Variants in TLE4 observed in about 807,000 individuals in gnomAD.
The protein encoded by TLE4 is TLE family member 4, transcriptional corepressor.
A neutral mutation model predicts 92.8 loss-of-function variants in TLE4; 8 were observed. The observed-to-expected ratio is 0.09, with a 90% CI of 0.05 to 0.16. TLE4 has a LOEUF of 0.16. Among genes scored for constraint, TLE4 ranks in the 10% least tolerant of loss-of-function variants. The pLI is 1.00. For synonymous variants in TLE4, 371 were observed against 374.1 expected (o/e 0.99, Z 0.10); for missense variants, 675 against 997.6 (o/e 0.68, Z 4.36).
chr9:79,619,099 C>G (rs1210909351), intron 5 of TLE4, among the ~76,000 whole-genome samples: 2 of 152,140 alleles, frequency 1.3e-5, no homozygotes, highest in East Asian at 1.9e-4. Flanking sequence ...TTTGGGCACT[C>G]TCCATTGCAT....
At chr9:79,584,525 C>T (rs1237656784) in intron 4 of TLE4, among the ~76,000 whole-genome samples, 2 of 152,170 alleles carry the variant, frequency 1.3e-5, no homozygotes, top group East Asian at 1.9e-4. Flanking sequence ...ATTGTAAGCT[C>T]CATGAAAACA....
At chr9:79,705,339 G>T (rs1485798592) in intron 9 of TLE4, among the ~76,000 whole-genome samples, 1 of 152,234 alleles carries the variant, frequency 6.6e-6, no homozygotes, top group Non-Finnish European at 1.5e-5. Flanking sequence ...ATCATCCCTA[G>T]CCTGGAATGA....
rs189912713 is a variant in TLE4 at position 79,614,346 on chromosome 9, T to A, written c.315+1628T>A. ...TTGGTCTCATCACATTTCTGCAGGA[T>A]CTGTGGGTTGTGTTCAGAAGTAGAA... On this transcript the variant is annotated intron_variant, in intron 5 of 19. Transcript: ENST00000376552. Among the ~76,000 whole-genome samples the A allele has an allele frequency of 2.6e-4, 40 of 152,236 alleles. 1 individual carries two copies. The Middle Eastern group carries it at 0.01, about 39-fold the overall frequency.
chr9:79,575,810 AG>A (rs2037571124), intron 3 of TLE4: 1 of 218,756 alleles, frequency 4.6e-6, no homozygotes, highest in East Asian at 8.8e-5. Context: ...TGCTGTGCTT[AG>A]GAATTAAGAG....
chr9:79,612,522 T>C (rs2048595140), intron 4 of TLE4, 134 bp from the exon 5 acceptor site: 4 of 750,598 alleles, frequency 5.3e-6, no homozygotes, highest in Non-Finnish European at 6.9e-6. Context: ...ACTGATGAGA[T>C]AGTTTTCCTC....
At chr9:79,720,395 T>G (rs1051899640) in intron 16 of TLE4, 102 bp downstream of exon 16, 229 of 1,172,894 alleles carry the variant, frequency 2.0e-4, no homozygotes, top group African/African-American at 1.2e-3. Flanking sequence ...TGTGTGTGTG[T>G]GTGTGTGTGT....
intron 17 of TLE4, among the ~76,000 whole-genome samples, chr9:79,722,169 C>T (rs1271628623): frequency 6.7e-6 from 1 of 149,054 alleles, no homozygotes; most frequent in Admixed American, 6.7e-5. Context: ...GTCTGAAAAA[C>T]AAAAAAAAAC....
chr9:79,667,800 G>A (rs568250915), intron 8 of TLE4, among the ~76,000 whole-genome samples: 43 of 152,144 alleles, frequency 2.8e-4, no homozygotes, highest in Non-Finnish European at 5.3e-4. Flanking sequence ...AAAATGCCAG[G>A]CAAGGGTTAG....
chr9:79,704,805 C>T lies in TLE4; in HGVS notation c.632C>T (p.Ala211Val). Residue 211 changes from alanine (A) to valine (V), a missense_variant, in exon 9 of 20, where the codon GCC (alanine) becomes GTC (valine). Physicochemically the swap from Ala to Val is moderately conservative, Grantham distance 64 (BLOSUM62 0). Coordinates refer to ENST00000376552, the MANE Select transcript of TLE4 (RefSeq NM_007005.6). ...SIKSSSVSPS[A>V]SFRGAEKHRN... ...CAGAGCTCTTCAGTATCCCCATCAG[C>T]CAGTTTCCGAGGTGCTGAGAAGCAC... is the stretch of plus-strand genomic sequence containing the variant. 2 of 1,614,168 alleles carry T rather than the reference C, an allele frequency of 1.2e-6. No homozygotes were observed. The highest frequency in any genetic ancestry group is 8.5e-7 in the Non-Finnish European group (1 of 1,180,028).
intron 8 of TLE4, among the ~76,000 whole-genome samples, chr9:79,685,329 T>C (rs186814198): frequency 1.3e-5 from 2 of 152,300 alleles, no homozygotes. Flanking sequence ...AACAGATTTT[T>C]TTTTCTGTTT....
intron 4 of TLE4, among the ~76,000 whole-genome samples, chr9:79,583,276 C>T (rs1441740427): frequency 1.3e-5 from 2 of 152,114 alleles, no homozygotes; most frequent in African/African-American, 4.8e-5. Context: ...GACACATGGG[C>T]AGGGTGTGGA....
In TLE4 at chr9:79,723,052, T is replaced by G. The variant is rs1314876397; in HGVS notation, c.2214+17T>G. 6.2e-7 allele frequency: 1 copy of G among 1,604,958 alleles called. No homozygotes were observed. The highest frequency in any genetic ancestry group is 8.5e-7 in the Non-Finnish European group (1 of 1,171,850). On this transcript the variant is annotated intron_variant, in intron 19 of 19. Coordinates refer to ENST00000376552, the MANE Select transcript of TLE4 (RefSeq NM_007005.6). Reference sequence around the variant, plus strand: ...ATATTCCAGGTAACATGGAACTTGTTAACTACCACTTATGTTTGTTTAATC... The same window carrying G: ...ATATTCCAGGTAACATGGAACTTGTGAACTACCACTTATGTTTGTTTAATC...
intron 5 of TLE4, among the ~76,000 whole-genome samples, chr9:79,617,259 T>TC (rs1161587207): frequency 3.9e-5 from 6 of 152,150 alleles, no homozygotes; most frequent in African/African-American, 1.2e-4. Flanking sequence ...GAATTTTTTT[T>TC]TTTTTAAGTA....
At chr9:79,583,540 T>C (rs950853066) in intron 4 of TLE4, among the ~76,000 whole-genome samples, 2 of 152,168 alleles carry the variant, frequency 1.3e-5, no homozygotes, top group African/African-American at 2.4e-5. Context: ...CAGGGCCCTG[T>C]TGCTTGCAGC....
At chr9:79,644,262 T>G (rs2057712696) in intron 6 of TLE4, among the ~76,000 whole-genome samples, 1 of 152,122 alleles carries the variant, frequency 6.6e-6, no homozygotes, top group African/African-American at 2.4e-5. Context: ...GCATGTTTGC[T>G]TCCCCTTCCA....
intron 4 of TLE4, among the ~76,000 whole-genome samples, chr9:79,602,416 T>A (rs574106024): frequency 1.1e-4 from 17 of 152,334 alleles, no homozygotes; most frequent in African/African-American, 4.1e-4. Flanking sequence ...CCTTGTTATG[T>A]GACTAATGCA....
At chr9:79,708,515 T>A in intron 12 of TLE4, 78 bp from the exon 13 acceptor site, 1 of 1,357,358 alleles carries the variant, frequency 7.4e-7, no homozygotes, top group South Asian at 1.3e-5. Flanking sequence ...ATAGATTCTA[T>A]TTTGTGACAT....
intron 8 of TLE4, among the ~76,000 whole-genome samples, chr9:79,687,611 C>T (rs990497439): frequency 1.3e-5 from 2 of 152,148 alleles, no homozygotes; most frequent in Non-Finnish European, 2.9e-5. Context: ...GAAGCAAGTC[C>T]CTTGTCATTC....
intron 14 of TLE4, among the ~76,000 whole-genome samples, chr9:79,714,088 AC>A (rs2073977784): frequency 6.6e-6 from 1 of 151,862 alleles, no homozygotes; most frequent in Admixed American, 6.6e-5. Context: ...CGAACTCCTG[AC>A]CTCAAGTGAT....
Sources: gnomAD v4.1 joint callset for allele counts (sites outside exome capture counted in the v4.1 genomes callset) on GRCh38, gnomAD v4.1.1 for gene constraint, MANE v1.5 for transcripts, NCBI Gene and HGNC (gene_info 2026-07-23, HGNC 2026-07-21) for gene names.